VWF: variants seen among roughly 807,000 people sequenced by gnomAD.
VWF encodes the protein Factor VIII related antigen.
VWF carries 176 observed loss-of-function variants against 308.6 expected under a neutral mutation model. The ratio of observed to expected loss-of-function variants is 0.57; its 90% CI spans 0.50 to 0.65. The LOEUF is 0.65. Ranked by LOEUF, VWF falls within the 30% of genes least tolerant of loss-of-function variation. The pLI is 0.00. For synonymous variants in VWF, 1,385 were observed against 1,443.4 expected (o/e 0.96, Z 0.92); for missense variants, 3,146 against 3,648.2 (o/e 0.86, Z 3.55).
In VWF at chr12:6,023,778, C is replaced by G. The variant is rs267607316; in HGVS notation, c.3232G>C (p.Glu1078Gln). ...FQDCNKLVDP[E>Q]PYLDVCIYDT... ...TAAATGCAGACATCCAGATATGGCTCGGGGTCCACCTGCAAAGGCAGCCTC... is the reference window on the plus strand; with the variant it reads ...TAAATGCAGACATCCAGATATGGCTGGGGGTCCACCTGCAAAGGCAGCCTC... The change falls in exon 25 of 52, where the codon GAG becomes CAG. Residue 1078 changes from glutamate to glutamine, a missense_variant. Glu to Gln is a conservative substitution (Grantham distance 29). Coordinates refer to ENST00000261405, the MANE Select transcript of VWF (RefSeq NM_000552.5). 1 of 1,612,260 alleles carries G rather than the reference C, an allele frequency of 6.2e-7. No individual in the cohort carries two copies. The highest frequency in any genetic ancestry group is 8.5e-7 in the Non-Finnish European group (1 of 1,179,806).
rs750803573 is a variant in VWF, at chr12:6,110,531, C to A, written c.375G>T (p.Gly125=). ...SKGLYLETEA[G]YYKLSGEAYG... is the part of the protein sequence containing the mutation. ...AGGCCTCACCGGACAGCTTGTAGTA[C>A]CCAGCCTCAGTTTCTAGATACAGCC... The change falls in exon 5 of 52, where the codon GGG becomes GGT. Residue 125 remains glycine, a synonymous_variant. Transcript: ENST00000261405. 2 of 1,614,202 alleles carry A rather than the reference C, an allele frequency of 1.2e-6. No homozygotes were observed. The highest frequency in any genetic ancestry group is 3.3e-5 in the Admixed American group (2 of 60,026).
rs1944171764 is a variant in VWF at position 6,024,826 on chromosome 12, C to T, written c.3222+754G>A. Among the ~76,000 whole-genome samples the T allele has an allele frequency of 6.6e-6, 1 of 152,174 alleles. No homozygotes were observed. The highest frequency in any genetic ancestry group is 1.5e-5 in the Non-Finnish European group (1 of 68,034). On this transcript the variant is annotated intron_variant, in intron 24 of 51. Coordinates refer to ENST00000261405, the MANE Select transcript of VWF (RefSeq NM_000552.5). The surrounding 1 kb of genome is among the most constrained non-coding windows in gnomAD (Gnocchi z 4.0). ...ATCACCTGAGTCAGGAGTTCAAGGC[C>T]AGCCTGACCAACATGGTGAAACCTT...
At chr12:6,091,549 T>C (rs1476543972) in intron 6 of VWF, among the ~76,000 whole-genome samples, 3 of 152,150 alleles carry the variant, frequency 2.0e-5, no homozygotes, top group African/African-American at 7.2e-5. Flanking sequence ...GTTTTGGTTT[T>C]GGTTTTGTTT....
chr12:6,096,107 A>ATG (rs1945102753), intron 5 of VWF: 1 of 155,878 alleles, frequency 6.4e-6, no homozygotes, highest in Non-Finnish European at 1.4e-5. Flanking sequence ...ATGGATGGAT[A>ATG]GATGGATGGA....
At chr12:6,006,256 C>T (rs747037177) in intron 34 of VWF, among the ~76,000 whole-genome samples, 11 of 151,550 alleles carry the variant, frequency 7.3e-5, no homozygotes, top group Admixed American at 1.3e-4. Flanking sequence ...AGAAGATACA[C>T]AAAAGGAAAT....
chr12:6,056,109 G>C (rs989428280), intron 15 of VWF, among the ~76,000 whole-genome samples: 1 of 148,976 alleles, frequency 6.7e-6, no homozygotes, highest in Non-Finnish European at 1.5e-5. Context: ...AGCCTTCCTT[G>C]GTTTTCCCTG....
At chr12:6,111,966 T>A (rs923758975) in intron 3 of VWF, among the ~76,000 whole-genome samples, 16 of 151,384 alleles carry the variant, frequency 1.1e-4, no homozygotes, top group African/African-American at 3.6e-4. Context: ...TCAAAAAAAA[T>A]AAAAAATAAA....
At chr12:6,034,568 A>T in intron 20 of VWF, 120 bp downstream of exon 20, 1 of 1,478,478 alleles carries the variant, frequency 6.8e-7, no homozygotes, top group Non-Finnish European at 9.3e-7. Context: ...GAAGTACTCC[A>T]GTAGAAACCA....
chr12:6,047,604 C>A (rs1010996541), intron 16 of VWF, among the ~76,000 whole-genome samples: 2 of 152,214 alleles, frequency 1.3e-5, no homozygotes, highest in African/African-American at 4.8e-5. Flanking sequence ...ACACTATGAC[C>A]TCTTGCCTGG....
At chr12:6,106,398 G>C (rs1456601650) in intron 5 of VWF, among the ~76,000 whole-genome samples, 1 of 152,134 alleles carries the variant, frequency 6.6e-6, no homozygotes, top group East Asian at 1.9e-4. Context: ...CAAAATCATA[G>C]ACAGAAAGTA....
chr12:6,090,474 G>C (rs192334037), intron 6 of VWF, among the ~76,000 whole-genome samples: 1 of 152,292 alleles, frequency 6.6e-6, no homozygotes, highest in African/African-American at 2.4e-5. Flanking sequence ...AAAAGAATGC[G>C]TGTTGAAACT....
At chr12:5,951,982 T>A (rs1943196580) in intron 49 of VWF, 99 bp from the exon 50 acceptor site, 1 of 1,147,782 alleles carries the variant, frequency 8.7e-7, no homozygotes, top group Non-Finnish European at 1.3e-6. Context: ...CTCACAGCCC[T>A]GTGCTTAAGT....
In VWF at chr12:5,949,154, T is replaced by C. The variant is rs772146195; in HGVS notation, c.8303A>G (p.Gln2768Arg). 9 of 1,614,152 alleles carry C rather than the reference T, an allele frequency of 5.6e-6. No homozygotes were observed. The East Asian group carries it at 1.8e-4, about 32-fold the overall frequency. Reference sequence around the variant, plus strand: ...CGGAGAGCAGCAGGAGCACTGGTCCTGCACATCGTTGATGTCAATGGAGTA... The same window carrying C: ...CGGAGAGCAGCAGGAGCACTGGTCCCGCACATCGTTGATGTCAATGGAGTA... ...AMYSIDINDV[Q>R]DQCSCCSPTR... The change falls in exon 52 of 52, where the codon CAG becomes CGG. Residue 2768 changes from glutamine (Q) to arginine (R), a missense_variant. By Grantham distance (43) the Gln-to-Arg change is conservative. Coordinates refer to ENST00000261405, the MANE Select transcript of VWF (RefSeq NM_000552.5).
chr12:6,085,994 C>T (rs1244548952), intron 6 of VWF, among the ~76,000 whole-genome samples: 2 of 152,194 alleles, frequency 1.3e-5, no homozygotes, highest in Non-Finnish European at 2.9e-5. Context: ...CCCAAGGGAA[C>T]AGTGGCCAAG....
At chr12:5,998,122 A>G (rs1943825732) in intron 34 of VWF, among the ~76,000 whole-genome samples, 1 of 152,188 alleles carries the variant, frequency 6.6e-6, no homozygotes, top group African/African-American at 2.4e-5. Flanking sequence ...GATATCAGAT[A>G]CTAAAGTGAA....
chr12:5,949,399 T>C (rs565767320), intron 51 of VWF, among the ~76,000 whole-genome samples, 196 bp from the exon 52 acceptor site: 1 of 152,196 alleles, frequency 6.6e-6, no homozygotes, highest in Non-Finnish European at 1.5e-5. Flanking sequence ...TCTATGGTAA[T>C]AATATCATAC....
intron 41 of VWF, 91 bp downstream of exon 41, chr12:5,983,059 G>A (rs936714794): frequency 9.3e-6 from 12 of 1,290,144 alleles, no homozygotes; most frequent in Non-Finnish European, 1.1e-5. Flanking sequence ...AGGAAATGAC[G>A]TGATCTTGGA....
At chr12:5,960,196 T>C (rs1384861905) in intron 47 of VWF, among the ~76,000 whole-genome samples, 1 of 151,422 alleles carries the variant, frequency 6.6e-6, no homozygotes, top group African/African-American at 2.4e-5. Flanking sequence ...CAACTACAGA[T>C]TCCACAGATA....
At chr12:6,077,794 G>C (rs951040983) in intron 6 of VWF, among the ~76,000 whole-genome samples, 4 of 152,152 alleles carry the variant, frequency 2.6e-5, no homozygotes, top group Non-Finnish European at 5.9e-5. Flanking sequence ...AGGGGAACCT[G>C]AGGCTTCTGA....
Sources: gnomAD v4.1 joint callset for allele counts (sites outside exome capture counted in the v4.1 genomes callset) on GRCh38, gnomAD v4.1.1 for gene constraint, Gnocchi (gnomAD v3.1) non-coding constraint, MANE v1.5 for transcripts, NCBI Gene and HGNC (gene_info 2026-07-23, HGNC 2026-07-21) for gene names.